Variants in DHX15 observed in about 807,000 individuals in gnomAD.
DHX15 encodes ATP-dependent RNA helicase DHX15.
In DHX15, 11 loss-of-function variants were observed where a neutral mutation model predicts 94.4. That is an observed-to-expected ratio of 0.12 (90% CI 0.07 to 0.19). DHX15 has a LOEUF of 0.19. DHX15 is among the 10% of genes least tolerant of loss of function. The pLI is 1.00. For synonymous variants in DHX15, 338 were observed against 329.9 expected (o/e 1.02, Z -0.27); for missense variants, 304 against 988.5 (o/e 0.31, Z 9.29).
Position 24,537,419 on chromosome 4 carries a change from A to T in DHX15, c.1787-246T>A, listed in dbSNP as rs899094480. On this transcript the variant is annotated intron_variant, in intron 10 of 13. Transcript: ENST00000336812. This position sits in a 1 kb window ranked among gnomAD's most constrained non-coding sequence, Gnocchi z 4.7. ...ATTTTAACTAGATCTAAAAGTAGGC[A>T]TCAAAACAGCTATTCTGAAGGCCAT... The T allele has an allele frequency of 2.8e-6, 1 of 352,742 alleles. No homozygotes were observed. Among genetic ancestry groups the T allele is most frequent in the East Asian group, 5.2e-5 (1 of 19,312 alleles). 21.9% of individuals were successfully genotyped at this position (352,742 alleles called of 1,614,324 possible). A position where few individuals can be genotyped will look rare whatever the true frequency, so the allele number is the denominator to read the frequency against.
chr4:24,544,772 G>C (rs923936516), intron 6 of DHX15, among the ~76,000 whole-genome samples: 1 of 152,062 alleles, frequency 6.6e-6, no homozygotes, highest in Non-Finnish European at 1.5e-5. Flanking sequence ...ACATAACACA[G>C]GGTTGTAGGG....
chr4:24,541,712 C>T lies in DHX15; in HGVS notation c.1485+161G>A, dbSNP rs552210473. 4.6e-5 allele frequency among the ~76,000 whole-genome samples: 7 copies of T among 151,942 alleles called. No homozygotes were observed. The East Asian group carries it at 5.8e-4, about 13-fold the overall frequency. On this transcript the variant is annotated intron_variant, in intron 8 of 13. Coordinates refer to ENST00000336812, the MANE Select transcript of DHX15 (RefSeq NM_001358.3). ...TATCAGCCTGGAATAAGGGGGTGTA[C>T]GACTATCTAAGTTAATTACACCATA...
chr4:24,542,042 A>C lies in DHX15; in HGVS notation c.1336-20T>G. 1 of 1,565,464 alleles carries C rather than the reference A, an allele frequency of 6.4e-7. No homozygotes were observed. The highest frequency in any genetic ancestry group is 8.7e-7 in the Non-Finnish European group (1 of 1,148,856). The stretch of plus-strand genomic sequence containing the variant: ...GTAGACCTATTGGAATTGAAATAAC[A>C]CAAGAGTCTTTCTTCAGTCAAACAC... On this transcript the variant is annotated intron_variant, in intron 7 of 13. Coordinates refer to ENST00000336812, the MANE Select transcript of DHX15 (RefSeq NM_001358.3).
Position 24,533,064 on chromosome 4 carries a change from T to C in DHX15, c.1910-10A>G, listed in dbSNP as rs3828558. 353,043 of 1,607,782 alleles carry C rather than the reference T, an allele frequency of 0.22. 41,978 individuals carry two copies. The highest frequency in any genetic ancestry group is 0.4 in the Admixed American group (23,874 of 59,992). ...TGAACCGATTCATGATCTAAAAAGG[T>C]AGAAGGCGGGGAGAAAAGAAGGCAC... On this transcript the variant is annotated splice_polypyrimidine_tract_variant and intron_variant, in intron 11 of 13. Coordinates refer to ENST00000336812, the MANE Select transcript of DHX15 (RefSeq NM_001358.3).
intron 3 of DHX15, among the ~76,000 whole-genome samples, chr4:24,558,037 T>C (rs1035664820): frequency 1.3e-5 from 2 of 152,138 alleles, no homozygotes; most frequent in African/African-American, 4.8e-5. Flanking sequence ...ACTAGCATAT[T>C]TACACCCTAT....
At chr4:24,547,877 C>A (rs1577338090) in intron 6 of DHX15, among the ~76,000 whole-genome samples, 3 of 85,742 alleles carry the variant, frequency 3.5e-5, no homozygotes, top group African/African-American at 1.2e-4. Flanking sequence ...CTCTCTCTCT[C>A]TCTCTCTCTC....
intron 6 of DHX15, among the ~76,000 whole-genome samples, chr4:24,547,426 A>C (rs1055207761): frequency 2.0e-5 from 3 of 152,210 alleles, no homozygotes; most frequent in Non-Finnish European, 4.4e-5. Flanking sequence ...CAGAAACAAA[A>C]ACTTTAATTT....
chr4:24,541,855 A>C lies in DHX15; in HGVS notation c.1485+18T>G, dbSNP rs1426453276. On this transcript the variant is annotated intron_variant, in intron 8 of 13. Coordinates refer to ENST00000336812, the MANE Select transcript of DHX15 (RefSeq NM_001358.3). ...TAACATTTTAAACATATCGGCAGGA[A>C]ACGACAATACCCCATACCTGCATTT... The C allele has an allele frequency of 6.5e-7, 1 of 1,537,952 alleles. No individual in the cohort carries two copies. Among genetic ancestry groups the C allele is most frequent in the East Asian group, 2.3e-5 (1 of 42,912 alleles).
rs949341402 is a variant in DHX15 at position 24,565,978 on chromosome 4, A to G, written c.701+4676T>C. 6.6e-5 allele frequency among the ~76,000 whole-genome samples: 10 copies of G among 152,280 alleles called. No homozygotes were observed. In the East Asian group the frequency reaches 1.4e-3, roughly 21 times the overall value. ...TACGTGGGCAGAGCTAGGACAACTCAGACACTGACCCTAGAGGCTATGCTC... is the reference window on the plus strand; with the variant it reads ...TACGTGGGCAGAGCTAGGACAACTCGGACACTGACCCTAGAGGCTATGCTC... On this transcript the variant is annotated intron_variant, in intron 3 of 13. Coordinates refer to ENST00000336812, the MANE Select transcript of DHX15 (RefSeq NM_001358.3).
intron 5 of DHX15, 45 bp from the exon 6 acceptor site, chr4:24,549,067 A>G (rs369337000): frequency 2.6e-6 from 4 of 1,522,866 alleles, no homozygotes; most frequent in South Asian, 2.4e-5. Context: ...GAAACATTTT[A>G]AAGTATTTAT....
intron 6 of DHX15, 143 bp from the exon 7 acceptor site, chr4:24,543,169 C>A: frequency 1.7e-6 from 1 of 590,760 alleles, no homozygotes; most frequent in East Asian, 3.0e-5. Context: ...CTTCAATGGC[C>A]AATGCTTTAA....
intron 1 of DHX15, 128 bp from the exon 2 acceptor site, chr4:24,576,806 T>C (rs1722278487): frequency 2.3e-6 from 3 of 1,332,414 alleles, no homozygotes; most frequent in Non-Finnish European, 3.0e-6. Flanking sequence ...TATGTAACTA[T>C]CAGAAATAAT....
chr4:24,557,501 T>C (rs752518094), intron 3 of DHX15, among the ~76,000 whole-genome samples: 3 of 152,146 alleles, frequency 2.0e-5, no homozygotes, highest in Non-Finnish European at 4.4e-5. Flanking sequence ...TTCAGCAAAT[T>C]GATAGTGTAC....
chr4:24,532,651 T>C (rs979724877), intron 12 of DHX15, among the ~76,000 whole-genome samples: 2 of 152,244 alleles, frequency 1.3e-5, no homozygotes, highest in African/African-American at 4.8e-5. Flanking sequence ...TAGACTACCT[T>C]AGCCATTTAG....
At chr4:24,554,665 T>C (rs963794247) in intron 5 of DHX15, 60 bp downstream of exon 5, 6 of 1,233,922 alleles carry the variant, frequency 4.9e-6, no homozygotes, top group Non-Finnish European at 7.0e-6. Context: ...ATGATTAAGG[T>C]TGCTGCATAT....
chr4:24,531,523 G>GGC (rs1721083740), intron 12 of DHX15, among the ~76,000 whole-genome samples: 1 of 150,950 alleles, frequency 6.6e-6, no homozygotes, highest in South Asian at 2.1e-4. Context: ...GATCAGCCTG[G>GGC]GCAACGTGGC....
rs369605219 is a variant in DHX15 at position 24,531,249 on chromosome 4, C to T, written c.2101-1479G>A. 7.4e-4 allele frequency among the ~76,000 whole-genome samples: 113 copies of T among 152,160 alleles called. 1 individual carries two copies. The East Asian group carries it at 0.013, about 18-fold the overall frequency. ...GACTACAGGCACCCGCCACCGCGCC[C>T]GGCTAATTTTTTGTATTTTTAGTAG... On this transcript the variant is annotated intron_variant, in intron 12 of 13. Coordinates refer to ENST00000336812, the MANE Select transcript of DHX15 (RefSeq NM_001358.3).
At chr4:24,532,438 G>A (rs1185756500) in intron 12 of DHX15, among the ~76,000 whole-genome samples, 1 of 152,070 alleles carries the variant, frequency 6.6e-6, no homozygotes, top group African/African-American at 2.4e-5. Context: ...TTTTGGATCC[G>A]CTCAATTGCT....
intron 1 of DHX15, among the ~76,000 whole-genome samples, chr4:24,583,502 TCC>T (rs1722517684): frequency 2.0e-5 from 3 of 151,116 alleles, no homozygotes. Context: ...TTCTAATCCC[TCC>T]CCATGGGACG....
Sources: gnomAD v4.1 joint callset for allele counts (sites outside exome capture counted in the v4.1 genomes callset) on GRCh38, gnomAD v4.1.1 for gene constraint, Gnocchi (gnomAD v3.1) non-coding constraint, MANE v1.5 for transcripts, NCBI Gene and HGNC (gene_info 2026-07-23, HGNC 2026-07-21) for gene names.